Variants in RGS4 observed in about 807,000 individuals in gnomAD.
The protein encoded by RGS4 is schizophrenia disorder 9.
RGS4 carries 15 observed loss-of-function variants against 21.6 expected under a neutral mutation model. The ratio of observed to expected loss-of-function variants is 0.69; its 90% CI spans 0.46 to 1.07. The LOEUF (loss-of-function observed/expected upper bound fraction) is 1.07. Ranked by LOEUF, RGS4 falls within the 50% of genes least tolerant of loss-of-function variation. The pLI is 0.00. For missense variants in RGS4, 237 were observed against 239.0 expected (o/e 0.99, Z 0.06); for synonymous variants, 94 against 85.5 (o/e 1.10, Z -0.55).
chr1:163,074,575 C>G lies in RGS4; in HGVS notation c.*15C>G. On this transcript the variant is annotated 3_prime_UTR_variant, in exon 5 of 5. Transcript: ENST00000367909. ...AGTGTGCCTAATTCTCACCTGAAGGCAGAGGGATGAAATGCCAAGACTCTA... is the reference window on the plus strand; with the variant it reads ...AGTGTGCCTAATTCTCACCTGAAGGGAGAGGGATGAAATGCCAAGACTCTA... 1 of 1,613,902 alleles carries G rather than the reference C, an allele frequency of 6.2e-7. No individual in the cohort carries two copies. The highest frequency in any genetic ancestry group is 1.1e-5 in the South Asian group (1 of 91,078).
chr1:163,074,235 G>A, intron 4 of RGS4, 86 bp from the exon 5 acceptor site: 1 of 1,554,324 alleles, frequency 6.4e-7, no homozygotes, highest in South Asian at 1.2e-5. Flanking sequence ...AGGGTGCACT[G>A]CCACTTACAA....
intron 3 of RGS4, 146 bp downstream of exon 3, chr1:163,073,012 A>G (rs1439282728): frequency 6.3e-6 from 4 of 638,354 alleles, no homozygotes; most frequent in Non-Finnish European, 1.1e-5. Flanking sequence ...GTCTGTTTAA[A>G]ATTTTAATAT....
intron 1 of RGS4, chr1:163,070,474 A>G (rs1300566357): frequency 6.6e-6 from 1 of 152,136 alleles, no homozygotes; most frequent in Admixed American, 6.6e-5. Flanking sequence ...AGAAAACATA[A>G]TTTTTTATGT....
chr1:163,072,982 C>T, intron 3 of RGS4, 116 bp downstream of exon 3: 1 of 775,048 alleles, frequency 1.3e-6, no homozygotes, highest in African/African-American at 1.8e-5. Flanking sequence ...ACTCAGGAGA[C>T]TCTTTAGGTC....
chr1:163,074,912 G>A lies in RGS4; in HGVS notation c.*352G>A. On this transcript the variant is annotated 3_prime_UTR_variant, in exon 5 of 5. Transcript: ENST00000367909. ...GATGGTTGGTTAGTGCATGTCACAT[G>A]ACATCCACATGCACATGTATTCTGT... 1 of 576,562 alleles carries A rather than the reference G, an allele frequency of 1.7e-6. No homozygotes were observed. The highest frequency in any genetic ancestry group is 3.1e-6 in the Non-Finnish European group (1 of 323,648). 35.7% of individuals were successfully genotyped at this position (576,562 alleles called of 1,614,324 possible). A position where few individuals can be genotyped will look rare whatever the true frequency, so the allele number is the denominator to read the frequency against.
intron 4 of RGS4, 55 bp downstream of exon 4, chr1:163,073,677 AT>A (rs1655402611): frequency 2.6e-6 from 3 of 1,136,616 alleles, no homozygotes; most frequent in Non-Finnish European, 3.7e-6. Context: ...TATGTGTGAT[AT>A]TTTGATACAT....
At position 163,069,433 on chromosome 1, in the gene RGS4, C is replaced by G. The variant is rs575405955; in HGVS notation, c.-52C>G. The G allele has an allele frequency of 1.4e-5, 22 of 1,612,584 alleles. No individual in the cohort carries two copies. The highest frequency in any genetic ancestry group is 1.7e-4 in the Middle Eastern group (1 of 6,058). ...AGTACGCTCAAAGCCGAAGCCACAG[C>G]TCCTCCTGCCGCATTTCTTTCCTGC... On this transcript the variant is annotated 5_prime_UTR_variant, in exon 1 of 5. Coordinates refer to ENST00000367909, the MANE Select transcript of RGS4 (RefSeq NM_005613.6).
At position 163,069,374 on chromosome 1, in the gene RGS4, G is replaced by A; in HGVS notation, c.-111G>A. On this transcript the variant is annotated 5_prime_UTR_variant, in exon 1 of 5. Transcript: ENST00000367909. ...AGGCTTAGCAGGAAGACGCTCAGAG[G>A]ATTCTGACAATATCTTTACCGGAGA... is the stretch of plus-strand genomic sequence containing the variant. 6.4e-7 allele frequency: 1 copy of A among 1,573,670 alleles called. No individual in the cohort carries two copies. Among genetic ancestry groups the A allele is most frequent in the Non-Finnish European group, 8.6e-7 (1 of 1,157,860 alleles).
chr1:163,073,383 C>G, intron 3 of RGS4, 73 bp from the exon 4 acceptor site: 1 of 1,262,748 alleles, frequency 7.9e-7, no homozygotes, highest in South Asian at 1.7e-5. Context: ...AGTACCTCAG[C>G]TTTATGTGAA....
intron 1 of RGS4, among the ~76,000 whole-genome samples, chr1:163,070,225 A>G (rs773293494): frequency 6.6e-5 from 10 of 152,112 alleles, no homozygotes; most frequent in Non-Finnish European, 1.5e-4. Context: ...GATTTTTTTA[A>G]AAGACCTTAC....
At chr1:163,069,341 ACC>A, upstream of RGS4, 1 of 1,552,872 alleles carries the variant, frequency 6.4e-7, no homozygotes, top group East Asian at 2.4e-5. Context: ...TATAAAAGAG[ACC>A]CCTACAGGCT....
Position 163,069,365 on chromosome 1 carries a change from C to A in RGS4, c.-120C>A, listed in dbSNP as rs927851890. On this transcript the variant is annotated 5_prime_UTR_variant, in exon 1 of 5. Coordinates refer to ENST00000367909, the MANE Select transcript of RGS4 (RefSeq NM_005613.6). ...GACCCCTACAGGCTTAGCAGGAAGACGCTCAGAGGATTCTGACAATATCTT... is the reference window on the plus strand; with the variant it reads ...GACCCCTACAGGCTTAGCAGGAAGAAGCTCAGAGGATTCTGACAATATCTT... The A allele has an allele frequency of 3.3e-5, 51 of 1,563,460 alleles. No individual in the cohort carries two copies. The highest frequency in any genetic ancestry group is 3.7e-5 in the Non-Finnish European group (43 of 1,152,478).
rs1557861156 is a variant in RGS4, at chr1:163,076,165, T to C, written c.*1605T>C. 1 of 152,606 alleles carries C rather than the reference T, an allele frequency of 6.6e-6. No homozygotes were observed. The highest frequency in any genetic ancestry group is 1.5e-5 in the Non-Finnish European group (1 of 68,026). 9.5% of individuals were successfully genotyped at this position (152,606 alleles called of 1,614,324 possible). ...CAGGAAGTAATTTTCTTCTCATTCT[T>C]CTAAAACTACTGCCTTTCAAAGTGC... On this transcript the variant is annotated 3_prime_UTR_variant, in exon 5 of 5. Transcript: ENST00000367909.
At chr1:163,069,274 C>CA (rs1655221631), upstream of RGS4, 9 of 1,550,960 alleles carry the variant, frequency 5.8e-6, no homozygotes, top group Non-Finnish European at 5.2e-6. Flanking sequence ...CAGAGGGAGA[C>CA]AGAGGAGCTG....
Position 163,076,097 on chromosome 1 carries a change from T to G in RGS4, c.*1537T>G, listed in dbSNP as rs1655486874. 1 of 152,614 alleles carries G rather than the reference T, an allele frequency of 6.6e-6. No individual in the cohort carries two copies. Among genetic ancestry groups the G allele is most frequent in the Admixed American group, 6.6e-5 (1 of 15,258 alleles). 9.5% of individuals were successfully genotyped at this position (152,614 alleles called of 1,614,324 possible). The stretch of plus-strand genomic sequence containing the variant: ...GTGTTATTATTATTATATTGTTTTA[T>G]AAATGGAGGTACAGGATATCACCTG... On this transcript the variant is annotated 3_prime_UTR_variant, in exon 5 of 5. Coordinates refer to ENST00000367909, the MANE Select transcript of RGS4 (RefSeq NM_005613.6).
chr1:163,070,365 T>G (rs1655260560), intron 1 of RGS4, among the ~76,000 whole-genome samples: 1 of 152,184 alleles, frequency 6.6e-6, no homozygotes, highest in Admixed American at 6.5e-5. Flanking sequence ...TACTTAATCT[T>G]GCAGTCAAAG....
Position 163,072,470 on chromosome 1 carries a change from C to A in RGS4, c.120C>A (p.Asn40Lys), listed in dbSNP as rs1466153386. 3 of 1,612,880 alleles carry A rather than the reference C, an allele frequency of 1.9e-6. No homozygotes were observed. In the South Asian group the frequency reaches 3.3e-5, roughly 18 times the overall value. The stretch of plus-strand genomic sequence containing the variant: ...CCTGTGAACACAATTCTTCCCACAA[C>A]AAGAAGGACAAAGTGGTTATTTGCC... ...SDSCEHNSSH[N>K]KKDKVVICQR... Residue 40 changes from asparagine (N) to lysine (K), a missense_variant, in exon 2 of 5, where the codon AAC (asparagine) becomes AAA (lysine). Asn to Lys is a moderately conservative substitution (Grantham distance 94). Transcript: ENST00000367909.
chr1:163,072,528 A>G (rs779072617), intron 2 of RGS4, 29 bp downstream of exon 2: 1 of 1,442,010 alleles, frequency 6.9e-7, no homozygotes, highest in South Asian at 1.1e-5. Flanking sequence ...GTGAAGATGT[A>G]CTTAGTATTA....
chr1:163,074,608 G>T lies in RGS4; in HGVS notation c.*48G>T, dbSNP rs1376543632. On this transcript the variant is annotated 3_prime_UTR_variant, in exon 5 of 5. Coordinates refer to ENST00000367909, the MANE Select transcript of RGS4 (RefSeq NM_005613.6). ...TGAAATGCCAAGACTCTATGCTCTG[G>T]AAAACCTGAGGCCAAATATTGATCT... The T allele has an allele frequency of 6.2e-7, 1 of 1,613,512 alleles. No homozygotes were observed. The highest frequency in any genetic ancestry group is 8.5e-7 in the Non-Finnish European group (1 of 1,179,700).
Sources: allele counts gnomAD v4.1 joint callset (sites outside exome capture counted in the v4.1 genomes callset), GRCh38; gene constraint gnomAD v4.1.1; transcripts MANE v1.5; gene names NCBI Gene and HGNC (gene_info 2026-07-23, HGNC 2026-07-21).